The following CCZ1 variants were observed in gnomAD, a reference collection of about 807,000 sequenced individuals.
The protein encoded by CCZ1 is CCZ1 vacuolar protein trafficking and biogenesis associated.
A neutral mutation model predicts 57.8 loss-of-function variants in CCZ1; 19 were observed. The observed-to-expected ratio is 0.33, with a 90% CI of 0.23 to 0.48. CCZ1 has a LOEUF of 0.48. Among genes scored for constraint, CCZ1 ranks in the 20% least tolerant of loss-of-function variants. The pLI is 0.99. For synonymous variants in CCZ1, 81 were observed against 167.0 expected (o/e 0.49, Z 3.97); for missense variants, 200 against 492.0 (o/e 0.41, Z 5.61).
At chr7:5,907,404 A>G (rs911200031) in intron 7 of CCZ1, among the ~76,000 whole-genome samples, 7 of 149,210 alleles carry the variant, frequency 4.7e-5, no homozygotes, top group South Asian at 2.2e-4. Context: ...GGGAGATGTC[A>G]TGTGACAAGC....
At chr7:5,906,822 C>T (rs1180571103) in intron 7 of CCZ1, among the ~76,000 whole-genome samples, 1 of 150,866 alleles carries the variant, frequency 6.6e-6, no homozygotes, top group Non-Finnish European at 1.5e-5. Context: ...TCCACATGAA[C>T]TTTATCTCCT....
In CCZ1 at chr7:5,906,612, T is replaced by C. The variant is rs191011685; in HGVS notation, c.698+1343T>C. Among the ~76,000 whole-genome samples, 418 of 148,810 alleles carry C rather than the reference T, an allele frequency of 2.8e-3. 31 individuals are homozygous for C. Among genetic ancestry groups the C allele is most frequent in the African/African-American group, 9.6e-3 (385 of 40,238 alleles). ...TGCCTCGATTACAGGTGTGAGCCAC[T>C]GCACCTGGCCTAGCCCAGTTTCTTA... On this transcript the variant is annotated intron_variant, in intron 7 of 14. Coordinates refer to ENST00000325974, the MANE Select transcript of CCZ1 (RefSeq NM_015622.6).
At chr7:5,905,781 C>CAAAAAAA (rs796636886) in intron 7 of CCZ1, among the ~76,000 whole-genome samples, 3 of 44,350 alleles carry the variant, frequency 6.8e-5, no homozygotes, top group African/African-American at 1.4e-4. Context: ...ACTCTGTCTC[C>CAAAAAAA]AAAAAAAAAA....
intron 14 of CCZ1, 73 bp from the exon 15 acceptor site, chr7:5,925,559 G>T: frequency 6.3e-7 from 1 of 1,597,704 alleles, no homozygotes; most frequent in Non-Finnish European, 8.6e-7. Context: ...TACCCAAGAA[G>T]AATTTAATTA....
At chr7:5,916,304 A>G (rs1779143084) in intron 10 of CCZ1, among the ~76,000 whole-genome samples, 1 of 115,710 alleles carries the variant, frequency 8.6e-6, no homozygotes, top group Admixed American at 8.7e-5. Flanking sequence ...AAACCATGGG[A>G]AACAAAACCA....
chr7:5,916,439 A>T (rs1201633231), intron 10 of CCZ1, among the ~76,000 whole-genome samples: 1 of 129,840 alleles, frequency 7.7e-6, no homozygotes, highest in Non-Finnish European at 1.7e-5. Context: ...AAGGACCAGG[A>T]GTCCTTCTAT....
intron 7 of CCZ1, 111 bp downstream of exon 7, chr7:5,905,380 G>A (rs1781786792): frequency 3.2e-6 from 2 of 617,088 alleles, no homozygotes; most frequent in Non-Finnish European, 5.5e-6. Context: ...GGGAGGATGG[G>A]TAGGAAGCAT....
chr7:5,913,250 C>T (rs1016601783), intron 10 of CCZ1, among the ~76,000 whole-genome samples: 25 of 142,198 alleles, frequency 1.8e-4, no homozygotes, highest in Admixed American at 1.4e-4. Flanking sequence ...TGCCTGTTCT[C>T]GAAATGGCTC....
intron 7 of CCZ1, among the ~76,000 whole-genome samples, chr7:5,908,689 G>A (rs1164313910): frequency 6.9e-6 from 1 of 145,912 alleles, no homozygotes; most frequent in Non-Finnish European, 1.5e-5. Flanking sequence ...CACCTTCACG[G>A]TATTTCAGTG....
chr7:5,920,975 A>G (rs1779231425), intron 12 of CCZ1, among the ~76,000 whole-genome samples: 1 of 92,336 alleles, frequency 1.1e-5, no homozygotes, highest in Non-Finnish European at 2.2e-5. Context: ...TTTTTTTAAG[A>G]CAGAGTCTCA....
At chr7:5,906,355 A>C (rs1583183792) in intron 7 of CCZ1, among the ~76,000 whole-genome samples, 2 of 125,328 alleles carry the variant, frequency 1.6e-5, no homozygotes, top group Admixed American at 9.4e-5. Context: ...ACGGAGTCTC[A>C]CTCTGTTGCC....
At chr7:5,923,046 C>G (rs1455179684) in intron 12 of CCZ1, among the ~76,000 whole-genome samples, 1 of 134,352 alleles carries the variant, frequency 7.4e-6, no homozygotes, top group Non-Finnish European at 1.6e-5. Context: ...GGGCCGGGCG[C>G]GGGGGCTCAC....
chr7:5,905,804 AAAAG>A (rs1379380540), intron 7 of CCZ1, among the ~76,000 whole-genome samples: 27 of 108,680 alleles, frequency 2.5e-4, no homozygotes, highest in Non-Finnish European at 2.1e-4. Flanking sequence ...AAAAAAAAAA[AAAAG>A]AGAAAATGTT....
In CCZ1 at chr7:5,908,888, C is replaced by T. The variant is rs139726976; in HGVS notation, c.699-1147C>T. Among the ~76,000 whole-genome samples the T allele has an allele frequency of 6.2e-4, 91 of 147,346 alleles. 5 individuals carry two copies. The highest frequency in any genetic ancestry group is 2.1e-3 in the African/African-American group (83 of 39,700). ...TCCTCCTCTTTCTTCACCGAAGATC[C>T]GGAGAATTAAAATCCATGTACATTT... On this transcript the variant is annotated intron_variant, in intron 7 of 14. Transcript: ENST00000325974.
intron 4 of CCZ1, chr7:5,901,312 C>G: frequency 5.9e-6 from 1 of 168,466 alleles, no homozygotes; most frequent in Non-Finnish European, 1.1e-5. Context: ...TGGCGGAACC[C>G]TGTCTCTACT....
rs750179208 is a variant in CCZ1 at position 5,910,706 on chromosome 7, T to TTTTATTTTATTTATTTA, written c.780+597_780+598insTATTTATTTATTTATTT. 1.7e-3 allele frequency among the ~76,000 whole-genome samples: 215 copies of TTTTATTTTATTTATTTA among 123,692 alleles called. 2 individuals carry two copies. Among genetic ancestry groups the TTTTATTTTATTTATTTA allele is most frequent in the Middle Eastern group, 4.3e-3 (1 of 230 alleles). 81.1% of individuals were successfully genotyped at this position (123,692 alleles called of 152,430 possible). A position where few individuals can be genotyped will look rare whatever the true frequency, so the allele number is the denominator to read the frequency against. ...CTTTACTTTTAATTTATGTATTTTA[T>TTTTATTTTATTTATTTA]TTTATTTATTTATTTATTTATTTAT... On this transcript the variant is annotated intron_variant, in intron 8 of 14. Transcript: ENST00000325974.
At position 5,898,742 on chromosome 7, in the gene CCZ1, G is replaced by C. The variant is rs1323746573; in HGVS notation, c.-58G>C. On this transcript the variant is annotated 5_prime_UTR_variant, in exon 1 of 15. Coordinates refer to ENST00000325974, the MANE Select transcript of CCZ1 (RefSeq NM_015622.6). ...GAGGCGGAAGTGCGGTGTTTTAGCC[G>C]GTGGCTGCTGTCTCTGGGCGGGCCG... 2.6e-3 allele frequency: 1,010 copies of C among 395,958 alleles called. 2 individuals are homozygous for C. The highest frequency in any genetic ancestry group is 3.6e-3 in the Non-Finnish European group (833 of 232,348). The allele number at this position is 395,958 out of a possible 1,614,324, so 24.5% of individuals were successfully genotyped here.
intron 7 of CCZ1, among the ~76,000 whole-genome samples, chr7:5,905,932 C>CG (rs1363241258): frequency 2.0e-5 from 2 of 101,424 alleles, no homozygotes; most frequent in Non-Finnish European, 3.6e-5. Flanking sequence ...CTTATAGAGA[C>CG]GGGGTTTACT....
At chr7:5,906,953 T>C (rs1781843064) in intron 7 of CCZ1, among the ~76,000 whole-genome samples, 1 of 144,876 alleles carries the variant, frequency 6.9e-6, no homozygotes, top group South Asian at 2.6e-4. Context: ...CTGCAACCCC[T>C]GCCTCCTGGG....
Sources: gnomAD v4.1 joint callset for allele counts (sites outside exome capture counted in the v4.1 genomes callset) on GRCh38, gnomAD v4.1.1 for gene constraint, MANE v1.5 for transcripts, NCBI Gene and HGNC (gene_info 2026-07-23, HGNC 2026-07-21) for gene names.